Variants in ADGRB3 observed in about 807,000 individuals in gnomAD.
The protein encoded by ADGRB3 is adhesion G protein-coupled receptor B3.
ADGRB3 carries 37 observed loss-of-function variants against 193.4 expected under a neutral mutation model. That is an observed-to-expected ratio of 0.19 (90% CI 0.15 to 0.25). The LOEUF is 0.25. Ranked by LOEUF, ADGRB3 falls within the 10% of genes least tolerant of loss-of-function variation. ADGRB3 has a pLI of 1.00. For missense variants in ADGRB3, 1,637 were observed against 1,852.9 expected, an observed-to-expected ratio of 0.88 and a Z score of 2.14; for synonymous variants, 690 against 644.2, an observed-to-expected ratio of 1.07 and a Z score of -1.08.
chr6:69,337,197 A>G (rs1294958479), intron 24 of ADGRB3, among the ~76,000 whole-genome samples: 1 of 152,110 alleles, frequency 6.6e-6, no homozygotes, highest in Non-Finnish European at 1.5e-5. Flanking sequence ...CCTAGAGGCA[A>G]CATATTCTTA....
chr6:69,355,245 A>G (rs571193355), intron 27 of ADGRB3, among the ~76,000 whole-genome samples: 1 of 152,326 alleles, frequency 6.6e-6, no homozygotes, highest in East Asian at 1.9e-4. Context: ...GGTCACAACT[A>G]AACCCCAGAA....
intron 3 of ADGRB3, among the ~76,000 whole-genome samples, chr6:68,911,404 G>C (rs1045168986): frequency 6.8e-6 from 1 of 146,848 alleles, no homozygotes; most frequent in Non-Finnish European, 1.5e-5. Context: ...GTACCCTAAA[G>C]CTTAAAGTAT....
intron 3 of ADGRB3, among the ~76,000 whole-genome samples, chr6:68,674,965 G>A (rs898477089): frequency 6.6e-6 from 1 of 151,978 alleles, no homozygotes; most frequent in African/African-American, 2.4e-5. Context: ...TATAAGATAG[G>A]GAAGTTAAAG....
chr6:68,824,287 T>A (rs907855303), intron 3 of ADGRB3, among the ~76,000 whole-genome samples: 3 of 151,976 alleles, frequency 2.0e-5, no homozygotes, highest in Non-Finnish European at 4.4e-5. Flanking sequence ...AGGTCAGTAC[T>A]CTTCATGTCA....
intron 5 of ADGRB3, among the ~76,000 whole-genome samples, chr6:68,938,267 G>A (rs1315525632): frequency 6.6e-6 from 1 of 151,880 alleles, no homozygotes; most frequent in Non-Finnish European, 1.5e-5. Context: ...GTGAAAGGGG[G>A]AAGATGAAAA....
intron 3 of ADGRB3, among the ~76,000 whole-genome samples, chr6:68,868,951 G>GTGTGTGTGTGTGCGCGTGTGTT (rs781022363): frequency 6.6e-6 from 1 of 150,394 alleles, no homozygotes; most frequent in African/African-American, 2.5e-5. Context: ...GAGTGTGTGT[G>GTGTGTGTGTGTGCGCGTGTGTT]TTTAAACTTA....
chr6:69,358,104 C>T (rs1769372809), intron 28 of ADGRB3, among the ~76,000 whole-genome samples: 2 of 151,806 alleles, frequency 1.3e-5, no homozygotes, highest in Non-Finnish European at 2.9e-5. Context: ...TTACAGTTCT[C>T]CTTGACAGAG....
intron 3 of ADGRB3, among the ~76,000 whole-genome samples, chr6:68,891,674 A>C (rs777484046): frequency 2.0e-5 from 3 of 152,180 alleles, no homozygotes; most frequent in African/African-American, 7.2e-5. Flanking sequence ...TGAGGAAAAC[A>C]AAACACTTAT....
At chr6:68,932,708 G>T (rs1445751626) in intron 4 of ADGRB3, among the ~76,000 whole-genome samples, 1 of 151,566 alleles carries the variant, frequency 6.6e-6, no homozygotes, top group African/African-American at 2.4e-5. Flanking sequence ...CCCTGTATTT[G>T]TCTTTAAGCC....
chr6:68,719,066 G>A (rs1765531702), intron 3 of ADGRB3, among the ~76,000 whole-genome samples: 1 of 151,830 alleles, frequency 6.6e-6, no homozygotes, highest in African/African-American at 2.4e-5. Context: ...GTTTTGTAGA[G>A]AGTTGGTACT....
At chr6:68,747,911 C>G (rs912970981) in intron 3 of ADGRB3, among the ~76,000 whole-genome samples, 8 of 151,964 alleles carry the variant, frequency 5.3e-5, no homozygotes, top group African/African-American at 9.7e-5. Context: ...CTTGGGGGGG[C>G]CTCAGAATCA....
At chr6:69,377,919 G>A (rs1769865253) in intron 30 of ADGRB3, among the ~76,000 whole-genome samples, 1 of 152,056 alleles carries the variant, frequency 6.6e-6, no homozygotes, top group African/African-American at 2.4e-5. Flanking sequence ...AAAGCTCCTG[G>A]TTGGGACAAG....
chr6:69,008,927 TAAG>T (rs762609599), intron 11 of ADGRB3, among the ~76,000 whole-genome samples: 6 of 151,988 alleles, frequency 3.9e-5, no homozygotes, highest in Non-Finnish European at 7.4e-5. Context: ...TCCCTGGACA[TAAG>T]GAGAGCCCTG....
At chr6:69,195,991 A>G (rs1333913006) in intron 17 of ADGRB3, among the ~76,000 whole-genome samples, 1 of 152,170 alleles carries the variant, frequency 6.6e-6, no homozygotes, top group Non-Finnish European at 1.5e-5. Context: ...GGACATAAAT[A>G]TCATATCTTA....
At chr6:69,180,444 C>T (rs114252515) in intron 17 of ADGRB3, among the ~76,000 whole-genome samples, 277 of 152,158 alleles carry the variant, frequency 1.8e-3, no homozygotes, top group African/African-American at 6.2e-3. Flanking sequence ...GGAGTGAAGA[C>T]GTCTTCACTG....
At chr6:69,315,487 A>G (rs1768291606) in intron 20 of ADGRB3, among the ~76,000 whole-genome samples, 1 of 151,578 alleles carries the variant, frequency 6.6e-6, no homozygotes, top group Admixed American at 6.6e-5. Context: ...ACCTTTGTGC[A>G]AATCCCTGTT....
intron 6 of ADGRB3, among the ~76,000 whole-genome samples, chr6:68,952,065 TA>T (rs1230254960): frequency 6.6e-6 from 1 of 152,180 alleles, no homozygotes; most frequent in African/African-American, 2.4e-5. Context: ...CATTTATCCC[TA>T]AAAGATAATG....
intron 20 of ADGRB3, among the ~76,000 whole-genome samples, chr6:69,320,280 A>T (rs549043429): frequency 3.0e-4 from 46 of 151,410 alleles, no homozygotes; most frequent in Middle Eastern, 3.4e-3. Context: ...TATATTTTTA[A>T]AATTATATAA....
At chr6:69,131,737 A>T (rs931370359) in intron 17 of ADGRB3, among the ~76,000 whole-genome samples, 4 of 152,044 alleles carry the variant, frequency 2.6e-5, no homozygotes, top group African/African-American at 9.6e-5. Context: ...TCGACCTGTT[A>T]TCTACATTAG....
Sources: allele counts gnomAD v4.1 joint callset (sites outside exome capture counted in the v4.1 genomes callset), GRCh38; gene constraint gnomAD v4.1.1; transcripts MANE v1.5; gene names NCBI Gene and HGNC (gene_info 2026-07-23, HGNC 2026-07-21).